The following ANKS1B variants were observed in gnomAD, a reference collection of about 807,000 sequenced individuals.
ANKS1B encodes the protein ankyrin repeat and sterile alpha motif domain containing 1B.
ANKS1B carries 36 observed loss-of-function variants against 148.3 expected under a neutral mutation model. The ratio of observed to expected loss-of-function variants is 0.24; its 90% CI spans 0.19 to 0.32. The LOEUF is 0.32. Ranked by LOEUF, ANKS1B falls within the 10% of genes least tolerant of loss-of-function variation. The pLI is 1.00. For missense variants in ANKS1B, 1,157 were observed against 1,542.6 expected (o/e 0.75, Z 4.19); for synonymous variants, 542 against 560.8 (o/e 0.97, Z 0.47).
chr12:99,183,817 T>A (rs2079441169), intron 14 of ANKS1B, among the ~76,000 whole-genome samples: 1 of 152,216 alleles, frequency 6.6e-6, no homozygotes. Context: ...TGACCTCATA[T>A]GGCCAAGGAT....
intron 14 of ANKS1B, among the ~76,000 whole-genome samples, chr12:99,218,084 C>A (rs1490285589): frequency 6.6e-6 from 1 of 152,122 alleles, no homozygotes; most frequent in African/African-American, 2.4e-5. Context: ...TGTGAGGGGA[C>A]TATCTAGCAC....
intron 12 of ANKS1B, among the ~76,000 whole-genome samples, chr12:99,247,162 G>T (rs2073965946): frequency 6.6e-6 from 1 of 151,886 alleles, no homozygotes; most frequent in Non-Finnish European, 1.5e-5. Context: ...TTGAACCCAG[G>T]GTGTATGTTT....
rs116927135 is a variant in ANKS1B at position 99,066,149 on chromosome 12, C to T, written c.2626-12840G>A. 6.0e-3 allele frequency among the ~76,000 whole-genome samples: 906 copies of T among 152,082 alleles called. 6 individuals are homozygous for T. Among genetic ancestry groups the T allele is most frequent in the Non-Finnish European group, 9.9e-3 (670 of 67,960 alleles). ...TGAACAACATGGTGAAACTCTATCG[C>T]TACTAAAATACAAAAACCCAGCCAG... On this transcript the variant is annotated intron_variant, in intron 16 of 26. Transcript: ENST00000683438.
At chr12:99,063,204 A>G (rs2043018368) in intron 16 of ANKS1B, among the ~76,000 whole-genome samples, 1 of 152,160 alleles carries the variant, frequency 6.6e-6, no homozygotes, top group Non-Finnish European at 1.5e-5. Flanking sequence ...TACTTTGTAC[A>G]CTCAGATTTC....
intron 8 of ANKS1B, among the ~76,000 whole-genome samples, chr12:99,687,310 A>C: frequency 6.6e-6 from 1 of 152,058 alleles, no homozygotes; most frequent in Non-Finnish European, 1.5e-5. Flanking sequence ...AATATGACTC[A>C]ATGTGGCTCC....
intron 17 of ANKS1B, among the ~76,000 whole-genome samples, chr12:99,019,787 G>A (rs1214412305): frequency 6.6e-6 from 1 of 152,042 alleles, no homozygotes. Context: ...GAGAATTCAG[G>A]AATAAAACTA....
chr12:99,555,593 A>T (rs1469302759), intron 9 of ANKS1B, among the ~76,000 whole-genome samples: 1 of 151,984 alleles, frequency 6.6e-6, no homozygotes, highest in Admixed American at 6.6e-5. Flanking sequence ...GATGTCTGTT[A>T]TTATTTTGAG....
At chr12:98,833,984 T>C (rs1038539425) in intron 17 of ANKS1B, among the ~76,000 whole-genome samples, 7 of 152,248 alleles carry the variant, frequency 4.6e-5, no homozygotes, top group Admixed American at 1.3e-4. Flanking sequence ...TTTGCCTATT[T>C]GTTGGTTAAC....
At chr12:99,833,640 CA>C (rs1295901041) in intron 1 of ANKS1B, among the ~76,000 whole-genome samples, 1 of 152,148 alleles carries the variant, frequency 6.6e-6, no homozygotes, top group East Asian at 1.9e-4. Context: ...CTGATTAGAA[CA>C]CTAGGTTGCT....
At chr12:99,979,336 C>T (rs959764846) in intron 1 of ANKS1B, among the ~76,000 whole-genome samples, 2 of 152,246 alleles carry the variant, frequency 1.3e-5, no homozygotes, top group African/African-American at 4.8e-5. Flanking sequence ...TAACAGTTCA[C>T]TAATTTCACC....
chr12:99,502,921 T>C (rs73147344), intron 10 of ANKS1B, among the ~76,000 whole-genome samples: 19,237 of 152,230 alleles, frequency 0.13, 1,526 homozygotes, highest in Non-Finnish European at 0.17. Context: ...TTACGTATAA[T>C]GGCTTTTCTG....
At chr12:98,922,985 GTGTTTTT>G in intron 17 of ANKS1B, among the ~76,000 whole-genome samples, 1 of 152,262 alleles carries the variant, frequency 6.6e-6, no homozygotes, top group Middle Eastern at 3.4e-3. Context: ...TGGTTTGGAT[GTGTTTTT>G]TTCCCACCAA....
intron 8 of ANKS1B, among the ~76,000 whole-genome samples, chr12:99,716,453 C>T (rs1266585943): frequency 1.3e-5 from 2 of 152,024 alleles, no homozygotes; most frequent in Non-Finnish European, 2.9e-5. Flanking sequence ...CCCTCCATTA[C>T]TCCTTCTTCT....
At chr12:98,741,056 C>G (rs1033520532), downstream of ANKS1B, among the ~76,000 whole-genome samples, 3 of 152,158 alleles carry the variant, frequency 2.0e-5, no homozygotes, top group African/African-American at 7.2e-5. Flanking sequence ...CTCTGTACTG[C>G]CTATCTCTGA....
At chr12:99,378,355 C>A (rs564386804) in intron 12 of ANKS1B, among the ~76,000 whole-genome samples, 2 of 152,146 alleles carry the variant, frequency 1.3e-5, no homozygotes, top group African/African-American at 2.4e-5. Flanking sequence ...GCTGAAAACA[C>A]TGCCAGTTTA....
intron 9 of ANKS1B, among the ~76,000 whole-genome samples, chr12:98,737,074 T>C (rs893334610): frequency 2.0e-5 from 3 of 152,196 alleles, no homozygotes; most frequent in African/African-American, 4.8e-5. Context: ...GAAGCACTTA[T>C]CTCATTGCCT....
At chr12:99,396,574 C>T (rs1205477663) in intron 12 of ANKS1B, among the ~76,000 whole-genome samples, 1 of 152,064 alleles carries the variant, frequency 6.6e-6, no homozygotes, top group African/African-American at 2.4e-5. Context: ...AAAGGTCAGA[C>T]CTGAAAATAT....
At chr12:99,515,632 TA>T (rs1766511370) in intron 9 of ANKS1B, among the ~76,000 whole-genome samples, 1 of 152,062 alleles carries the variant, frequency 6.6e-6, no homozygotes, top group Non-Finnish European at 1.5e-5. Context: ...CTGCAACAAA[TA>T]TGGGAGTAGA....
rs1221255480 is a variant in ANKS1B at position 98,747,047 on chromosome 12, G to A, written c.3748-1198C>T. Among the ~76,000 whole-genome samples, 20 of 152,260 alleles carry A rather than the reference G, an allele frequency of 1.3e-4. No homozygotes were observed. In the East Asian group the frequency reaches 1.4e-3, roughly 10 times the overall value. Reference sequence around the variant, plus strand: ...GTAAAATCTCAAAAGCACAGGCAACGAAAGCAGAAAGAGACAAATGGAATT... The same window carrying A: ...GTAAAATCTCAAAAGCACAGGCAACAAAAGCAGAAAGAGACAAATGGAATT... On this transcript the variant is annotated intron_variant, in intron 26 of 26. Transcript: ENST00000683438.
Sources: allele counts gnomAD v4.1 joint callset (sites outside exome capture counted in the v4.1 genomes callset), GRCh38; gene constraint gnomAD v4.1.1; transcripts MANE v1.5; gene names NCBI Gene and HGNC (gene_info 2026-07-23, HGNC 2026-07-21).